ADARB2: variants seen among roughly 807,000 people sequenced by gnomAD.
ADARB2 encodes the protein inactive double-stranded RNA-specific editase B2.
A neutral mutation model predicts 62.2 loss-of-function variants in ADARB2; 25 were observed. That is an observed-to-expected ratio of 0.40 (90% CI 0.29 to 0.56). ADARB2 has a LOEUF of 0.56. Ranked by LOEUF, ADARB2 falls within the 20% of genes least tolerant of loss-of-function variation. The pLI is 0.43. For synonymous variants in ADARB2, 572 were observed against 500.8 expected, an observed-to-expected ratio of 1.14 and a Z score of -1.90; for missense variants, 1,071 against 1,077.4, an observed-to-expected ratio of 0.99 and a Z score of 0.08.
At chr10:1,551,961 AC>A (rs1832630548) in intron 1 of ADARB2, among the ~76,000 whole-genome samples, 2 of 152,122 alleles carry the variant, frequency 1.3e-5, no homozygotes, top group Non-Finnish European at 2.9e-5. Context: ...CAGCGTGGCC[AC>A]CCCAGGGGGG....
At chr10:1,388,321 C>G (rs993256363) in intron 1 of ADARB2, among the ~76,000 whole-genome samples, 1 of 152,116 alleles carries the variant, frequency 6.6e-6, no homozygotes, top group African/African-American at 2.4e-5. Context: ...GTACTGGGAA[C>G]AAGGCAGGGA....
chr10:1,633,550 ATC>A (rs746214309), intron 1 of ADARB2, among the ~76,000 whole-genome samples: 4,307 of 16,198 alleles, frequency 0.27, 102 homozygotes, highest in South Asian at 0.44. Context: ...TCTATCTATC[ATC>A]TATCTATCTA....
At chr10:1,293,286 G>GGGA (rs1564248865) in intron 3 of ADARB2, among the ~76,000 whole-genome samples, 6 of 107,540 alleles carry the variant, frequency 5.6e-5, no homozygotes, top group Non-Finnish European at 1.0e-4. Flanking sequence ...GAGGGAAAGA[G>GGGA]CAGGGAGAGA....
At chr10:1,294,537 T>C (rs559980949) in intron 3 of ADARB2, among the ~76,000 whole-genome samples, 1 of 152,242 alleles carries the variant, frequency 6.6e-6, no homozygotes, top group African/African-American at 2.4e-5. Context: ...CTCGCGTTGT[T>C]TGACTGATAA....
intron 1 of ADARB2, among the ~76,000 whole-genome samples, chr10:1,510,220 G>A (rs1039465355): frequency 2.1e-5 from 3 of 145,950 alleles, no homozygotes; most frequent in African/African-American, 7.6e-5. Flanking sequence ...TCGCTCTGTT[G>A]CCCAGGCTGG....
chr10:1,606,626 A>G (rs187871465), intron 1 of ADARB2, among the ~76,000 whole-genome samples: 229 of 152,192 alleles, frequency 1.5e-3, no homozygotes, highest in African/African-American at 5.3e-3. Context: ...CAGGGAAGGG[A>G]TGATTTCTTT....
chr10:1,556,847 C>T (rs778422167), intron 1 of ADARB2: 5 of 533,564 alleles, frequency 9.4e-6, no homozygotes, highest in Non-Finnish European at 1.9e-5. Flanking sequence ...AGATTTTCTG[C>T]ACAACCCCTC....
chr10:1,705,635 C>T (rs756475181), intron 1 of ADARB2, among the ~76,000 whole-genome samples: 8 of 152,142 alleles, frequency 5.3e-5, no homozygotes, highest in East Asian at 3.8e-4. Flanking sequence ...ATGCAGGGTG[C>T]GGCAATTAAG....
intron 1 of ADARB2, among the ~76,000 whole-genome samples, chr10:1,730,969 T>C (rs1436017893): frequency 6.6e-6 from 1 of 152,232 alleles, no homozygotes; most frequent in East Asian, 1.9e-4. Context: ...TCCTACTCAA[T>C]ACCTATGACT....
At chr10:1,234,844 G>C (rs913304297) in intron 5 of ADARB2, among the ~76,000 whole-genome samples, 5 of 137,258 alleles carry the variant, frequency 3.6e-5, no homozygotes, top group African/African-American at 1.4e-4. Context: ...TGCCTCCTGG[G>C]TTCAAACGAT....
intron 1 of ADARB2, among the ~76,000 whole-genome samples, chr10:1,702,801 GA>G (rs1834839443): frequency 6.6e-6 from 1 of 152,204 alleles, no homozygotes; most frequent in Non-Finnish European, 1.5e-5. Flanking sequence ...CCCTCCTTTA[GA>G]GGAATGTTTC....
At chr10:1,682,487 G>A (rs115719489) in intron 1 of ADARB2, among the ~76,000 whole-genome samples, 3,010 of 152,302 alleles carry the variant, frequency 0.02, 26 homozygotes, top group African/African-American at 0.031. Context: ...CCAAACCAGA[G>A]ACCCGAAAGG....
At chr10:1,380,772 C>A (rs755822774) in intron 1 of ADARB2, among the ~76,000 whole-genome samples, 2 of 152,156 alleles carry the variant, frequency 1.3e-5, no homozygotes, top group Non-Finnish European at 2.9e-5. Flanking sequence ...TCTCCTAAAC[C>A]CTTGCAGCCG....
chr10:1,454,252 G>A (rs1394509864), intron 1 of ADARB2, among the ~76,000 whole-genome samples: 3 of 152,176 alleles, frequency 2.0e-5, no homozygotes, highest in Non-Finnish European at 4.4e-5. Flanking sequence ...CCATGATTCA[G>A]TTACCTCCCA....
chr10:1,462,717 CTGTA>C (rs762215672), intron 1 of ADARB2, among the ~76,000 whole-genome samples: 9 of 141,748 alleles, frequency 6.3e-5, no homozygotes, highest in Admixed American at 5.6e-4. Flanking sequence ...ATGTGCATGA[CTGTA>C]TGTGCATGTG....
At chr10:1,200,745 A>G (rs891115878) in intron 7 of ADARB2, among the ~76,000 whole-genome samples, 1 of 152,230 alleles carries the variant, frequency 6.6e-6, no homozygotes, top group African/African-American at 2.4e-5. Context: ...TGCCAAGAGC[A>G]CTGACATTTT....
chr10:1,233,986 T>C (rs1830836089), intron 5 of ADARB2, 141 bp from the exon 6 acceptor site: 1 of 1,038,516 alleles, frequency 9.6e-7, no homozygotes, highest in Non-Finnish European at 1.3e-6. Context: ...TCCTTTTTTT[T>C]TTGAGACGGA....
At chr10:1,234,620 T>G (rs538691265) in intron 5 of ADARB2, among the ~76,000 whole-genome samples, 10 of 152,052 alleles carry the variant, frequency 6.6e-5, no homozygotes, top group East Asian at 1.9e-4. Context: ...TATTTACTTT[T>G]TTTTAGAGAC....
At chr10:1,552,716 G>A (rs1305028864) in intron 1 of ADARB2, among the ~76,000 whole-genome samples, 1 of 151,812 alleles carries the variant, frequency 6.6e-6, no homozygotes, top group Non-Finnish European at 1.5e-5. Context: ...AGGAGGGAGG[G>A]AAGGGGAGAG....
Sources: allele counts gnomAD v4.1 joint callset (sites outside exome capture counted in the v4.1 genomes callset), GRCh38; gene constraint gnomAD v4.1.1; transcripts MANE v1.5; gene names NCBI Gene and HGNC (gene_info 2026-07-23, HGNC 2026-07-21).